PTPRD: variants seen among roughly 807,000 people sequenced by gnomAD.
The protein encoded by PTPRD is protein tyrosine phosphatase receptor type D.
Under a neutral mutation model 214.5 loss-of-function variants are expected in PTPRD, and 34 were observed. The ratio of observed to expected loss-of-function variants is 0.16; its 90% CI spans 0.12 to 0.21. The LOEUF is 0.21. Ranked by LOEUF, PTPRD falls within the 10% of genes least tolerant of loss-of-function variation. The pLI, the probability that PTPRD is intolerant of heterozygous loss-of-function variation, is 1.00. For missense variants in PTPRD, 2,545 were observed against 2,398.7 expected, an observed-to-expected ratio of 1.06 and a Z score of -1.27; for synonymous variants, 1,128 against 845.7, an observed-to-expected ratio of 1.33 and a Z score of -5.79.
At chr9:10,541,781 T>C (rs920069151) in intron 2 of PTPRD, among the ~76,000 whole-genome samples, 1 of 152,082 alleles carries the variant, frequency 6.6e-6, no homozygotes, top group South Asian at 2.1e-4. Flanking sequence ...GATACATTTA[T>C]AATATGTAGC....
intron 12 of PTPRD, chr9:8,713,748 C>T (rs1345510757): frequency 3.3e-6 from 5 of 1,510,096 alleles, no homozygotes; most frequent in Admixed American, 1.7e-5. Context: ...AGCAGTTCCA[C>T]GACTGCAAGA....
intron 11 of PTPRD, among the ~76,000 whole-genome samples, chr9:8,748,048 C>A (rs2093035955): frequency 6.6e-6 from 1 of 152,184 alleles, no homozygotes; most frequent in Admixed American, 6.5e-5. Flanking sequence ...CTAGCCCATG[C>A]TCCGATGTTA....
intron 11 of PTPRD, among the ~76,000 whole-genome samples, chr9:8,816,515 G>T (rs1600722879): frequency 6.6e-6 from 1 of 152,178 alleles, no homozygotes. Flanking sequence ...TTTAGGAAAG[G>T]TTCCTAAAGG....
intron 2 of PTPRD, among the ~76,000 whole-genome samples, chr9:10,579,242 G>T (rs926697461): frequency 6.6e-5 from 10 of 152,080 alleles, no homozygotes. Flanking sequence ...AACATCACAT[G>T]TTCTCATCCA....
chr9:10,074,880 T>C (rs443224), intron 3 of PTPRD, among the ~76,000 whole-genome samples: 8,240 of 152,206 alleles, frequency 0.054, 710 homozygotes, highest in African/African-American at 0.18. Flanking sequence ...GATGGAAGCA[T>C]TGCTTCCCTA....
At chr9:10,140,193 C>A (rs964061916) in intron 3 of PTPRD, among the ~76,000 whole-genome samples, 1 of 151,518 alleles carries the variant, frequency 6.6e-6, no homozygotes, top group Non-Finnish European at 1.5e-5. Context: ...AATCTATAAA[C>A]CCCAATATCC....
intron 8 of PTPRD, among the ~76,000 whole-genome samples, chr9:9,492,139 C>T (rs1401552413): frequency 7.9e-5 from 12 of 151,386 alleles, no homozygotes; most frequent in Non-Finnish European, 1.3e-4. Context: ...TTTGGATAAC[C>T]TAGATGAAAT....
At chr9:9,133,724 G>A (rs1395176983) in intron 10 of PTPRD, among the ~76,000 whole-genome samples, 1 of 152,200 alleles carries the variant, frequency 6.6e-6, no homozygotes, top group East Asian at 1.9e-4. Context: ...GAGTCTGTAA[G>A]GATGCTGCAC....
intron 11 of PTPRD, among the ~76,000 whole-genome samples, chr9:8,739,943 A>G (rs895608164): frequency 2.0e-5 from 3 of 152,136 alleles, no homozygotes; most frequent in Admixed American, 6.6e-5. Flanking sequence ...CTCCACCATG[A>G]TTGTGAGGCG....
At chr9:10,192,895 G>T (rs773767089) in intron 3 of PTPRD, among the ~76,000 whole-genome samples, 1 of 152,152 alleles carries the variant, frequency 6.6e-6, no homozygotes, top group Admixed American at 6.6e-5. Flanking sequence ...ACAGCCTAAA[G>T]CTTCCTAAGC....
chr9:9,061,539 A>G (rs1401413104), intron 10 of PTPRD, among the ~76,000 whole-genome samples: 2 of 152,150 alleles, frequency 1.3e-5, no homozygotes, highest in African/African-American at 4.8e-5. Flanking sequence ...GAGCCTTCTA[A>G]TATTTCTAAT....
At chr9:9,076,792 CT>C (rs34543317) in intron 10 of PTPRD, among the ~76,000 whole-genome samples, 4,779 of 143,844 alleles carry the variant, frequency 0.033, 209 homozygotes, top group African/African-American at 0.11. Context: ...TGATAATTTC[CT>C]TTTTTTTTTT....
intron 3 of PTPRD, among the ~76,000 whole-genome samples, chr9:10,277,529 A>C (rs1224726745): frequency 6.6e-6 from 1 of 152,154 alleles, no homozygotes; most frequent in Non-Finnish European, 1.5e-5. Flanking sequence ...CATATGATCT[A>C]AGTTTAAGAT....
chr9:9,887,048 G>A lies in PTPRD; in HGVS notation c.-368+51459C>T, dbSNP rs1012830326. Among the ~76,000 whole-genome samples, 28 of 152,134 alleles carry A rather than the reference G, an allele frequency of 1.8e-4. 1 individual carries two copies. The highest frequency in any genetic ancestry group is 6.7e-4 in the African/African-American group (28 of 41,516). ...GTTTTTTTCCGCCACTAAGTTATAA[G>A]GAAATTTGTTTTGCAACAATACATA... On this transcript the variant is annotated intron_variant, in intron 5 of 45. Transcript: ENST00000381196.
At chr9:8,942,311 T>G (rs75980792) in intron 11 of PTPRD, among the ~76,000 whole-genome samples, 5,041 of 152,314 alleles carry the variant, frequency 0.033, 135 homozygotes, top group African/African-American at 0.07. Context: ...TAAGCTGTTC[T>G]AAAATAAAAA....
intron 3 of PTPRD, among the ~76,000 whole-genome samples, chr9:10,277,693 A>C (rs1334382854): frequency 1.3e-5 from 2 of 152,202 alleles, no homozygotes; most frequent in African/African-American, 4.8e-5. Flanking sequence ...CTCATGATTC[A>C]ATTAATATAT....
chr9:10,513,583 T>C (rs754005286), intron 2 of PTPRD, among the ~76,000 whole-genome samples: 1 of 152,118 alleles, frequency 6.6e-6, no homozygotes, highest in African/African-American at 2.4e-5. Flanking sequence ...TCTGGGAACA[T>C]GGTAAGATTG....
chr9:10,298,929 G>T (rs2095777019), intron 3 of PTPRD, among the ~76,000 whole-genome samples: 1 of 151,984 alleles, frequency 6.6e-6, no homozygotes, highest in South Asian at 2.1e-4. Context: ...TCATTGATTA[G>T]AAAGTACCTA....
At chr9:9,631,400 T>C (rs186080268) in intron 7 of PTPRD, among the ~76,000 whole-genome samples, 10 of 152,248 alleles carry the variant, frequency 6.6e-5, no homozygotes, top group African/African-American at 2.4e-4. Context: ...GGCATGCACA[T>C]TCAGCCACAA....
Sources: allele counts gnomAD v4.1 joint callset (sites outside exome capture counted in the v4.1 genomes callset), GRCh38; gene constraint gnomAD v4.1.1; transcripts MANE v1.5; gene names NCBI Gene and HGNC (gene_info 2026-07-23, HGNC 2026-07-21).